The following CUX1 variants were observed in gnomAD, a reference collection of about 807,000 sequenced individuals.
CUX1 encodes cut like homeobox 1, also known as protein CASP.
In CUX1, 31 loss-of-function variants were observed where a neutral mutation model predicts 158.8. The observed-to-expected ratio is 0.20, with a 90% CI of 0.15 to 0.26. The LOEUF is 0.26. Ranked by LOEUF, CUX1 falls within the 10% of genes least tolerant of loss-of-function variation. The pLI is 1.00. For synonymous variants in CUX1, 879 were observed against 862.1 expected (o/e 1.02, Z -0.34); for missense variants, 1,589 against 2,014.6 (o/e 0.79, Z 4.04).
At chr7:101,948,643 A>T (rs1055616656) in intron 2 of CUX1, among the ~76,000 whole-genome samples, 10 of 152,172 alleles carry the variant, frequency 6.6e-5, no homozygotes, top group Admixed American at 2.6e-4. Flanking sequence ...GAGCCAAATT[A>T]GCCAGGGGCT....
intron 20 of CUX1, among the ~76,000 whole-genome samples, chr7:102,207,955 A>G (rs1006128105): frequency 6.6e-6 from 1 of 152,112 alleles, no homozygotes; most frequent in Admixed American, 6.5e-5. Flanking sequence ...TGGGAAGCCA[A>G]GGCAGACAGA....
chr7:102,283,081 G>A, exon 23 of CUX1: 1 of 1,613,528 alleles, frequency 6.2e-7, no homozygotes, highest in Non-Finnish European at 8.5e-7. Flanking sequence ...CTGGTGACTT[G>A]TGGCAGTGAT....
In CUX1 at chr7:102,256,973, G is replaced by C; in HGVS notation, c.*7931G>C. 1.0e-6 allele frequency: 1 copy of C among 985,466 alleles called. No homozygotes were observed. The allele number at this position is 985,466 out of a possible 1,614,324, so 61.0% of individuals were successfully genotyped here. On this transcript the variant is annotated 3_prime_UTR_variant, in exon 24 of 24. Transcript: ENST00000292535. ...TTGAGGGCTCACCTAGGAGATCATA[G>C]GCAGAGGGCCCCTTTCCCCTATAGG...
chr7:102,282,132 C>T (rs966796215), intron 21 of CUX1, among the ~76,000 whole-genome samples: 11 of 152,172 alleles, frequency 7.2e-5, no homozygotes, highest in South Asian at 4.1e-4. Flanking sequence ...GGGCACCAGC[C>T]GGGCCGCTCC....
At chr7:102,179,120 T>C (rs1253660829) in intron 11 of CUX1, among the ~76,000 whole-genome samples, 1 of 152,222 alleles carries the variant, frequency 6.6e-6, no homozygotes, top group East Asian at 1.9e-4. Context: ...TGATCTGGGC[T>C]CACAGCAACC....
At chr7:101,914,398 C>T (rs995843228) in intron 1 of CUX1, among the ~76,000 whole-genome samples, 2 of 108,346 alleles carry the variant, frequency 1.8e-5, no homozygotes, top group South Asian at 7.6e-4. Context: ...CTCCCTCTTT[C>T]CCTCCCTCCC....
At chr7:102,042,712 C>G (rs1281358373) in intron 3 of CUX1, among the ~76,000 whole-genome samples, 1 of 152,086 alleles carries the variant, frequency 6.6e-6, no homozygotes, top group African/African-American at 2.4e-5. Flanking sequence ...CTTTTTCCCT[C>G]TTTTTTTATC....
intron 4 of CUX1, among the ~76,000 whole-genome samples, chr7:102,072,398 C>T (rs747133326): frequency 5.3e-5 from 8 of 152,096 alleles, no homozygotes; most frequent in South Asian, 4.1e-4. Context: ...TGATTGGTTG[C>T]GGAAAGTAAC....
chr7:102,181,805 A>G (rs150178931), intron 11 of CUX1, among the ~76,000 whole-genome samples: 37 of 152,310 alleles, frequency 2.4e-4, no homozygotes, highest in African/African-American at 7.9e-4. Context: ...CCAAAGGAAT[A>G]AGGTTAATTG....
chr7:101,858,036 T>A (rs1387804200), intron 1 of CUX1, among the ~76,000 whole-genome samples: 1 of 152,140 alleles, frequency 6.6e-6, no homozygotes, highest in Non-Finnish European at 1.5e-5. Context: ...GGCAGGAGAA[T>A]CACTTGAACC....
chr7:101,979,236 A>C (rs1813105543), intron 2 of CUX1, among the ~76,000 whole-genome samples: 1 of 152,170 alleles, frequency 6.6e-6, no homozygotes, highest in Admixed American at 6.5e-5. Context: ...GTGGGCTAGA[A>C]AAAGGGCTCC....
At chr7:101,934,925 A>G (rs1806737036) in intron 2 of CUX1, among the ~76,000 whole-genome samples, 1 of 152,012 alleles carries the variant, frequency 6.6e-6, no homozygotes, top group East Asian at 1.9e-4. Flanking sequence ...TGAAAACAGC[A>G]TTGCCCGGGG....
chr7:102,241,695 T>C (rs1339593132), intron 23 of CUX1, among the ~76,000 whole-genome samples: 1 of 152,254 alleles, frequency 6.6e-6, no homozygotes, highest in Non-Finnish European at 1.5e-5. Flanking sequence ...ATGCTGCTCA[T>C]TGTGAGAACT....
At chr7:102,131,412 G>C (rs1833218004) in intron 8 of CUX1, among the ~76,000 whole-genome samples, 1 of 151,778 alleles carries the variant, frequency 6.6e-6, no homozygotes, top group Non-Finnish European at 1.5e-5. Context: ...CTAACATTTT[G>C]GGAGGCCGAG....
At chr7:101,972,245 C>T (rs1387353597) in intron 2 of CUX1, among the ~76,000 whole-genome samples, 5 of 152,192 alleles carry the variant, frequency 3.3e-5, no homozygotes, top group African/African-American at 4.8e-5. Context: ...GGATTACAGG[C>T]GTGAGCCACC....
At chr7:102,144,853 C>T (rs936621829) in intron 8 of CUX1, among the ~76,000 whole-genome samples, 6 of 151,626 alleles carry the variant, frequency 4.0e-5, no homozygotes, top group Non-Finnish European at 5.9e-5. Flanking sequence ...TTTGGGAGGC[C>T]GAGGTGGGTG....
At chr7:102,078,560 C>A (rs1827026855) in intron 4 of CUX1, among the ~76,000 whole-genome samples, 1 of 152,184 alleles carries the variant, frequency 6.6e-6, no homozygotes, top group Non-Finnish European at 1.5e-5. Context: ...TTCCTACAGA[C>A]ACAAACCCTT....
chr7:102,185,951 A>G (rs1192319174), intron 11 of CUX1, among the ~76,000 whole-genome samples: 2 of 152,168 alleles, frequency 1.3e-5, no homozygotes, highest in East Asian at 3.9e-4. Flanking sequence ...CAGATAGCGT[A>G]TGAAATGCTA....
intron 3 of CUX1, among the ~76,000 whole-genome samples, chr7:102,051,774 A>G (rs1436141403): frequency 6.6e-6 from 1 of 152,220 alleles, no homozygotes. Context: ...TGACAGGTGG[A>G]TGTGGATGGG....
Sources: gnomAD v4.1 joint callset for allele counts (sites outside exome capture counted in the v4.1 genomes callset) on GRCh38, gnomAD v4.1.1 for gene constraint, MANE v1.5 for transcripts, NCBI Gene and HGNC (gene_info 2026-07-23, HGNC 2026-07-21) for gene names.